ERBB4: variants seen among roughly 807,000 people sequenced by gnomAD.
ERBB4 encodes receptor tyrosine-protein kinase erbB-4.
In ERBB4, 42 loss-of-function variants were observed where a neutral mutation model predicts 158.0. The observed-to-expected ratio is 0.27, with a 90% CI of 0.21 to 0.34. The LOEUF (loss-of-function observed/expected upper bound fraction) is 0.34, where lower values mean the gene tolerates loss of function less well. ERBB4 is among the 10% of genes least tolerant of loss of function. The pLI is 1.00. For synonymous variants in ERBB4, 583 were observed against 558.7 expected (o/e 1.04, Z -0.61); for missense variants, 1,333 against 1,624.1 (o/e 0.82, Z 3.08).
At chr2:211,427,971 G>A (rs963519450) in intron 22 of ERBB4, among the ~76,000 whole-genome samples, 7 of 149,926 alleles carry the variant, frequency 4.7e-5, no homozygotes, top group African/African-American at 1.7e-4. Flanking sequence ...AAGGCAGATA[G>A]CAATGCTATT....
At chr2:211,591,068 C>A (rs6746418) in intron 19 of ERBB4, among the ~76,000 whole-genome samples, 2 of 152,164 alleles carry the variant, frequency 1.3e-5, no homozygotes, top group African/African-American at 4.8e-5. Context: ...ATTGTTAGCA[C>A]CAAAATGCTA....
At chr2:211,688,110 G>C (rs928665053) in intron 12 of ERBB4, among the ~76,000 whole-genome samples, 5 of 152,000 alleles carry the variant, frequency 3.3e-5, no homozygotes, top group African/African-American at 1.2e-4. Flanking sequence ...TTTCGATTTA[G>C]CATGACATCG....
At chr2:212,441,283 G>C (rs566872856) in intron 1 of ERBB4, among the ~76,000 whole-genome samples, 4 of 152,240 alleles carry the variant, frequency 2.6e-5, no homozygotes, top group Non-Finnish European at 4.4e-5. Flanking sequence ...TTCCATCTTT[G>C]TCTGAGGAGA....
At position 211,407,400 on chromosome 2, in the gene ERBB4, C is replaced by T. The variant is rs76549328; in HGVS notation, c.3135+13041G>A. 9.1e-4 allele frequency among the ~76,000 whole-genome samples: 138 copies of T among 152,124 alleles called. 1 individual carries two copies. In the East Asian group the frequency reaches 0.018, roughly 20 times the overall value. On this transcript the variant is annotated intron_variant, in intron 25 of 27. Coordinates refer to ENST00000342788, the MANE Select transcript of ERBB4 (RefSeq NM_005235.3). The stretch of plus-strand genomic sequence containing the variant: ...TTATGTATACCTCAACATCTCCATA[C>T]GCTAGGAATTATAAACACTATTTTT...
intron 4 of ERBB4, among the ~76,000 whole-genome samples, chr2:211,783,538 T>A (rs915111952): frequency 2.6e-5 from 4 of 152,218 alleles, no homozygotes; most frequent in Non-Finnish European, 5.9e-5. Context: ...TTGAGATACG[T>A]CCCATCAGTA....
At chr2:212,141,858 T>A (rs1160390224) in intron 1 of ERBB4, among the ~76,000 whole-genome samples, 1 of 152,196 alleles carries the variant, frequency 6.6e-6, no homozygotes, top group African/African-American at 2.4e-5. Flanking sequence ...ATATCAGATA[T>A]AAAACAATTT....
intron 1 of ERBB4, among the ~76,000 whole-genome samples, chr2:212,433,227 T>TAACTGACATTTTTAC (rs2092068486): frequency 6.6e-6 from 1 of 152,044 alleles, no homozygotes; most frequent in Non-Finnish European, 1.5e-5. Flanking sequence ...AAACTTCCAC[T>TAACTGACATTTTTAC]AACTGACATT....
intron 15 of ERBB4, among the ~76,000 whole-genome samples, chr2:211,664,328 T>A (rs1254896711): frequency 1.2e-4 from 4 of 33,778 alleles, no homozygotes; most frequent in Admixed American, 9.6e-4. Flanking sequence ...CAACTACAAA[T>A]GTGTGTGTGT....
At chr2:211,398,752 A>C (rs1222368016) in intron 25 of ERBB4, among the ~76,000 whole-genome samples, 1 of 152,156 alleles carries the variant, frequency 6.6e-6, no homozygotes, top group Non-Finnish European at 1.5e-5. Flanking sequence ...AATTGCTTGA[A>C]CCCAAGAAGG....
rs1553630145 is a variant in ERBB4, at chr2:211,772,955, A to ATATTTT, written c.556+15069_556+15070insAAAATA. 1.4e-4 allele frequency among the ~76,000 whole-genome samples: 12 copies of ATATTTT among 83,292 alleles called. No individual in the cohort carries two copies. In the South Asian group the frequency reaches 1.5e-3, roughly 10 times the overall value. 54.6% of individuals were successfully genotyped at this position (83,292 alleles called of 152,430 possible). ...TATATATATATATATATATATATAT[A>ATATTTT]TTTTTTTTTTTAAAGATGGGGTCCT... On this transcript the variant is annotated intron_variant, in intron 4 of 27. Transcript: ENST00000342788.
intron 1 of ERBB4, among the ~76,000 whole-genome samples, chr2:212,377,976 G>A (rs1354178482): frequency 6.9e-6 from 1 of 145,672 alleles, no homozygotes; most frequent in Admixed American, 6.8e-5. Flanking sequence ...ATTTTTTTTT[G>A]TTAAAAACTG....
chr2:211,825,604 C>T (rs1292028558), intron 3 of ERBB4, among the ~76,000 whole-genome samples: 1 of 151,462 alleles, frequency 6.6e-6, no homozygotes. Flanking sequence ...CCACTATGTG[C>T]TATGTGCTTT....
intron 25 of ERBB4, among the ~76,000 whole-genome samples, chr2:211,409,034 A>G (rs1050331075): frequency 1.3e-5 from 2 of 152,208 alleles, no homozygotes; most frequent in African/African-American, 4.8e-5. Context: ...ATTTGTCCCC[A>G]ATATTTAAAA....
intron 20 of ERBB4, among the ~76,000 whole-genome samples, chr2:211,454,663 G>A (rs2064333775): frequency 1.3e-5 from 2 of 152,142 alleles, no homozygotes; most frequent in Admixed American, 1.3e-4. Context: ...ATGTCAGTCA[G>A]GGGGTTATTG....
intron 3 of ERBB4, among the ~76,000 whole-genome samples, chr2:211,905,598 T>G (rs551642220): frequency 1.8e-4 from 25 of 135,630 alleles, no homozygotes; most frequent in African/African-American, 6.8e-4. Context: ...TATAAATACA[T>G]AAAAACTATA....
chr2:212,077,835 T>A (rs1040106026), intron 2 of ERBB4, among the ~76,000 whole-genome samples: 5 of 152,122 alleles, frequency 3.3e-5, no homozygotes, highest in African/African-American at 1.2e-4. Context: ...ATGAAAATTC[T>A]CATCTTTCCA....
intron 1 of ERBB4, among the ~76,000 whole-genome samples, chr2:212,318,383 G>A (rs923859018): frequency 1.3e-5 from 2 of 151,522 alleles, no homozygotes; most frequent in African/African-American, 4.8e-5. Context: ...ATAGCACAAT[G>A]AGGAAAGAAC....
chr2:211,764,540 G>A (rs889938341), intron 4 of ERBB4, among the ~76,000 whole-genome samples: 4 of 152,252 alleles, frequency 2.6e-5, no homozygotes, highest in Admixed American at 2.0e-4. Flanking sequence ...TTATTTCTAT[G>A]ATAAACTTAG....
At chr2:212,050,113 T>C (rs947737761) in intron 2 of ERBB4, among the ~76,000 whole-genome samples, 2 of 152,142 alleles carry the variant, frequency 1.3e-5, no homozygotes, top group Non-Finnish European at 2.9e-5. Context: ...ATTTCAAGTA[T>C]TTAAATCTTT....
Sources: gnomAD v4.1 joint callset for allele counts (sites outside exome capture counted in the v4.1 genomes callset) on GRCh38, gnomAD v4.1.1 for gene constraint, MANE v1.5 for transcripts, NCBI Gene and HGNC (gene_info 2026-07-23, HGNC 2026-07-21) for gene names.